The following RIF1 variants were observed in gnomAD, a reference collection of about 807,000 sequenced individuals.
RIF1 encodes the protein telomere-associated protein RIF1.
In RIF1, 45 loss-of-function variants were observed where a neutral mutation model predicts 247.1. The observed-to-expected ratio is 0.18, with a 90% CI of 0.14 to 0.23. RIF1 has a LOEUF of 0.23. Among genes scored for constraint, RIF1 ranks in the 10% least tolerant of loss-of-function variants. RIF1 has a pLI of 1.00. For synonymous variants in RIF1, 1,087 were observed against 978.8 expected (o/e 1.11, Z -2.06); for missense variants, 2,967 against 2,862.5 (o/e 1.04, Z -0.83).
At chr2:151,509,359 G>GAAAC (rs141830788), downstream of RIF1, among the ~76,000 whole-genome samples, 2,515 of 152,268 alleles carry the variant, frequency 0.017, 105 homozygotes, top group East Asian at 0.14. Context: ...GAAAAGAATA[G>GAAAC]AAACAATCGT....
chr2:151,534,430 C>G, the RIF1 span: 8 of 842,818 alleles, frequency 9.5e-6, no homozygotes, highest in Non-Finnish European at 1.4e-5. Flanking sequence ...TAGTGGCGGG[C>G]TCCCAACATA....
rs1295834722 is a variant in RIF1, at chr2:151,474,859, A to G, written c.7207A>G (p.Ile2403Val). 6.7e-7 allele frequency: 1 copy of G among 1,494,430 alleles called. No individual in the cohort carries two copies. Among genetic ancestry groups the G allele is most frequent in the Non-Finnish European group, 9.3e-7 (1 of 1,076,800 alleles). 92.6% of individuals were successfully genotyped at this position (1,494,430 alleles called of 1,614,324 possible). A position where few individuals can be genotyped will look rare whatever the true frequency, so the allele number is the denominator to read the frequency against. ...GTGGTTTTTTTTTTCTCTTTTAGAT[A>G]TAATTGATCCTGTTGCTTTAGAAAT... is the stretch of plus-strand genomic sequence containing the variant. ...SPDEERLVSD[I>V]IDPVALEIPL... The change falls in exon 36 of 36, where the codon ATA becomes GTA. Residue 2403 changes from isoleucine (I) to valine (V), a missense_variant and splice_region_variant. Physicochemically the swap from Ile to Val is conservative, Grantham distance 29. This residue lies in a region of RIF1 where 151 missense variants were observed against 163.4 expected (regional missense o/e 0.92). Coordinates refer to ENST00000444746, the MANE Select transcript of RIF1 (RefSeq NM_018151.5).
In RIF1 at chr2:151,468,001, T is replaced by G. The variant is rs1202056364; in HGVS notation, c.6602T>G (p.Val2201Gly). ...TAAAATCCTGACCTGTGTTTTCAGG[T>G]TCGCCGTGTCTCCTTTGCAGATCCA... ...EDEISSPVNK[V>G]RRVSFADPIY... Residue 2201 changes from valine (V) to glycine (G), a missense_variant and splice_region_variant, in exon 31 of 36, where the codon GTT becomes GGT. Physicochemically the swap from Val to Gly is moderately radical, Grantham distance 109. This residue lies in a region of RIF1 where 2,028 missense variants were observed against 1,825.6 expected (regional missense o/e 1.11). Coordinates refer to ENST00000444746, the MANE Select transcript of RIF1 (RefSeq NM_018151.5). 1 of 1,601,544 alleles carries G rather than the reference T, an allele frequency of 6.2e-7. No homozygotes were observed. The highest frequency in any genetic ancestry group is 1.3e-5 in the African/African-American group (1 of 74,242).
At chr2:151,462,064 G>A (rs1041843348) in intron 27 of RIF1, among the ~76,000 whole-genome samples, 178 bp from the exon 28 acceptor site, 1 of 151,940 alleles carries the variant, frequency 6.6e-6, no homozygotes, top group Non-Finnish European at 1.5e-5. Flanking sequence ...GTAGAGATAG[G>A]ATTTTGCCAT....
chr2:151,531,308 C>CTTTT, the RIF1 span, among the ~76,000 whole-genome samples: 8 of 84,028 alleles, frequency 9.5e-5, no homozygotes, highest in East Asian at 7.7e-4. Context: ...TTTTTTCTTT[C>CTTTT]TTTTTTTTTT....
At chr2:151,451,139 A>C (rs1474499945) in intron 20 of RIF1, among the ~76,000 whole-genome samples, 1 of 152,206 alleles carries the variant, frequency 6.6e-6, no homozygotes, top group African/African-American at 2.4e-5. Context: ...CCTCATAACA[A>C]TGTGTCAGTC....
chr2:151,531,737 A>G, the RIF1 span: 3 of 1,323,692 alleles, frequency 2.3e-6, no homozygotes, highest in Non-Finnish European at 3.2e-6. Flanking sequence ...ATGCCCCTCC[A>G]TGTTTGCAGA....
intron 34 of RIF1, among the ~76,000 whole-genome samples, chr2:151,471,983 T>A (rs1200303711): frequency 6.6e-6 from 1 of 152,208 alleles, no homozygotes; most frequent in African/African-American, 2.4e-5. Context: ...TTCACAATAT[T>A]GATTCTTCCT....
chr2:151,466,417 C>T (rs972944710), intron 30 of RIF1, among the ~76,000 whole-genome samples: 1 of 152,124 alleles, frequency 6.6e-6, no homozygotes, highest in Non-Finnish European at 1.5e-5. Flanking sequence ...CTCCCCATAC[C>T]ATAATATCAT....
intron 11 of RIF1, 27 bp from the exon 12 acceptor site, chr2:151,436,800 T>A (rs377718360): frequency 2.0e-6 from 3 of 1,522,990 alleles, no homozygotes; most frequent in Non-Finnish European, 2.7e-6. Flanking sequence ...CTTGTATGAC[T>A]TAACTCTTTT....
chr2:151,414,180 C>T (rs754441760), intron 3 of RIF1, among the ~76,000 whole-genome samples: 1 of 151,784 alleles, frequency 6.6e-6, no homozygotes, highest in Non-Finnish European at 1.5e-5. Flanking sequence ...CATGGTGGCG[C>T]GCGCCTGTCA....
At chr2:151,499,390 C>G (rs1160766383) in exon 11 of RIF1, 1 of 1,512,274 alleles carries the variant, frequency 6.6e-7, no homozygotes, top group African/African-American at 1.4e-5. Context: ...TTATACAACA[C>G]CTGTATGACA....
In RIF1 at chr2:151,426,168, A is replaced by ATTTTTTTTTTTTTTTTTTTTTTTT. The variant is rs35001554; in HGVS notation, c.787-2615_787-2592dup. On this transcript the variant is annotated intron_variant, in intron 8 of 35. Coordinates refer to ENST00000444746, the MANE Select transcript of RIF1 (RefSeq NM_018151.5). Reference sequence around the variant, plus strand: ...TTTTTCAGGATTGTTTTGGCTTTTAATTTTTTTTTTTTTTTTTTTTTTTTG... The same window carrying ATTTTTTTTTTTTTTTTTTTTTTTT: ...TTTTTCAGGATTGTTTTGGCTTTTAATTTTTTTTTTTTTTTTTTTTTTTTTTTTTTTTTTTTTTTTTTTTTTTTG... Among the ~76,000 whole-genome samples, 8 of 58,212 alleles carry ATTTTTTTTTTTTTTTTTTTTTTTT rather than the reference A, an allele frequency of 1.4e-4. 1 individual carries two copies. The highest frequency in any genetic ancestry group is 6.8e-4 in the East Asian group (1 of 1,470). 38.2% of individuals were successfully genotyped at this position (58,212 alleles called of 152,430 possible). A position where few individuals can be genotyped will look rare whatever the true frequency, so the allele number is the denominator to read the frequency against.
chr2:151,448,836 T>A lies in RIF1; in HGVS notation c.2244+2261T>A, dbSNP rs138903030. ...ACTGAATAAACAATGTGCAGGTTTT[T>A]ATAACTGATCGGAAGAAGGTTGACC... On this transcript the variant is annotated intron_variant, in intron 20 of 35. Transcript: ENST00000444746. Among the ~76,000 whole-genome samples the A allele has an allele frequency of 1.1e-4, 17 of 152,346 alleles. No homozygotes were observed. In the East Asian group the frequency reaches 3.3e-3, roughly 29 times the overall value.
the RIF1 span, among the ~76,000 whole-genome samples, chr2:151,524,958 G>A: frequency 2.0e-5 from 3 of 151,892 alleles, no homozygotes; most frequent in Admixed American, 1.3e-4. Context: ...GAGCCACCAC[G>A]CCCAGCCGAG....
At chr2:151,421,503 T>C (rs937443239) in intron 7 of RIF1, among the ~76,000 whole-genome samples, 2 of 152,182 alleles carry the variant, frequency 1.3e-5, no homozygotes, top group Non-Finnish European at 2.9e-5. Context: ...CCCAATCACA[T>C]AGGACTATGG....
intron 10 of RIF1, among the ~76,000 whole-genome samples, chr2:151,433,747 G>T (rs188946374): frequency 6.6e-6 from 1 of 151,918 alleles, no homozygotes; most frequent in Non-Finnish European, 1.5e-5. Flanking sequence ...GAGCCACCGC[G>T]CCTGGCCCTG....
At chr2:151,492,163 C>A in intron 9 of RIF1, 1 of 1,613,890 alleles carries the variant, frequency 6.2e-7, no homozygotes, top group Non-Finnish European at 8.5e-7. Flanking sequence ...CCTCTGAATA[C>A]CTCGGTAGTT....
rs1029955359 is a variant in RIF1, at chr2:151,441,958, A to G, written c.1701A>G (p.Pro567=). The G allele has an allele frequency of 2.0e-5, 31 of 1,564,836 alleles. No homozygotes were observed. Among genetic ancestry groups the G allele is most frequent in the Non-Finnish European group, 2.6e-5 (30 of 1,149,618 alleles). Residue 567 remains proline (P), a synonymous_variant, in exon 16 of 36, where the codon CCA becomes CCG. Coordinates refer to ENST00000444746, the MANE Select transcript of RIF1 (RefSeq NM_018151.5). ...KGLPQKVLGS[P]AYQVANMDIL... is the part of the protein sequence containing the mutation. ...TTCCTCAGAAAGTATTAGGTTCACCAGCATATCAGGTTGCTAATATGGATA... is the reference window on the plus strand; with the variant it reads ...TTCCTCAGAAAGTATTAGGTTCACCGGCATATCAGGTTGCTAATATGGATA...
Sources: allele counts gnomAD v4.1 joint callset (sites outside exome capture counted in the v4.1 genomes callset), GRCh38; gene constraint gnomAD v4.1.1; regional missense constraint gnomAD v4.1.1; transcripts MANE v1.5; gene names NCBI Gene and HGNC (gene_info 2026-07-23, HGNC 2026-07-21).